Variants in VPS35L observed in about 807,000 individuals in gnomAD.
VPS35L encodes the protein VPS35 endosomal protein sorting factor like, also known as VPS35 endosomal protein-sorting factor-like.
A neutral mutation model predicts 133.0 loss-of-function variants in VPS35L; 83 were observed. The observed-to-expected ratio is 0.62, with a 90% CI of 0.52 to 0.75. VPS35L has a LOEUF of 0.75. VPS35L is among the 30% of genes least tolerant of loss of function. The pLI is 0.00. For synonymous variants in VPS35L, 423 were observed against 449.9 expected, an observed-to-expected ratio of 0.94 and a Z score of 0.76; for missense variants, 1,083 against 1,206.8, an observed-to-expected ratio of 0.90 and a Z score of 1.52.
intron 26 of VPS35L, among the ~76,000 whole-genome samples, chr16:19,664,474 G>A (rs1974595562): frequency 6.6e-6 from 1 of 151,782 alleles, no homozygotes; most frequent in African/African-American, 2.4e-5. Context: ...TACAGTGACT[G>A]TAGTGTTGGG....
intron 13 of VPS35L, 22 bp downstream of exon 13, chr16:19,616,213 AGCTC>A: frequency 1.3e-6 from 2 of 1,577,336 alleles, no homozygotes; most frequent in Non-Finnish European, 1.7e-6. Context: ...CTATCAGAAT[AGCTC>A]ATCGATATAA....
chr16:19,608,804 G>A (rs1221939960), intron 10 of VPS35L, 170 bp from the exon 11 acceptor site: 2 of 559,140 alleles, frequency 3.6e-6, no homozygotes, highest in East Asian at 5.6e-5. Flanking sequence ...ATGAAACTTT[G>A]AAAACCATAT....
Position 19,581,502 on chromosome 16 carries a change from C to A in VPS35L, c.511-23C>A, listed in dbSNP as rs1351011894. The A allele has an allele frequency of 1.9e-6, 3 of 1,545,326 alleles. No individual in the cohort carries two copies. The South Asian group carries it at 3.7e-5, about 19-fold the overall frequency. On this transcript the variant is annotated intron_variant, in intron 6 of 30. Transcript: ENST00000417362. ...AGCAATGTTTTTCCTGCTATGCCTTCACCTTCTGCCTTCTCCCCACAGGGT... is the reference window on the plus strand; with the variant it reads ...AGCAATGTTTTTCCTGCTATGCCTTAACCTTCTGCCTTCTCCCCACAGGGT...
rs941663813 is a variant in VPS35L, at chr16:19,608,982, A to C, written c.890A>C (p.Glu297Ala). 2 of 1,613,870 alleles carry C rather than the reference A, an allele frequency of 1.2e-6. No homozygotes were observed. Among genetic ancestry groups the C allele is most frequent in the Admixed American group, 3.3e-5 (2 of 60,020 alleles). Residue 297 changes from glutamate (E) to alanine (A), a missense_variant, in exon 11 of 31, where the codon GAG becomes GCG. Physicochemically the swap from Glu to Ala is moderately radical, Grantham distance 107 (BLOSUM62 -1). Transcript: ENST00000417362. Reference protein sequence around the residue: ...IRELIPRFYVEASILKCNKFL... With the variant: ...IRELIPRFYVAASILKCNKFL... ...ACAGGATGTTTTTGTAGTTACGTGG[A>C]GGCATCCATCCTGAAATGTAACAAA...
chr16:19,556,567 C>A (rs1175315282), intron 1 of VPS35L, among the ~76,000 whole-genome samples: 2 of 152,122 alleles, frequency 1.3e-5, no homozygotes, highest in African/African-American at 4.8e-5. Context: ...GATTTGGGGA[C>A]GGGGAATCTC....
At position 19,699,656 on chromosome 16, in the gene VPS35L, G is replaced by A. The variant is rs371212019; in HGVS notation, c.2793+8G>A. 127 of 1,612,594 alleles carry A rather than the reference G, an allele frequency of 7.9e-5. No individual in the cohort carries two copies. In the African/African-American group the frequency reaches 9.1e-4, roughly 12 times the overall value. On this transcript the variant is annotated splice_region_variant and intron_variant, in intron 30 of 30. Coordinates refer to ENST00000417362, the MANE Select transcript of VPS35L (RefSeq NM_020314.7). This position sits in a 1 kb window ranked among gnomAD's most constrained non-coding sequence, Gnocchi z 4.2. Reference sequence around the variant, plus strand: ...GCAGACACCAGGACCATGGTGAGGCGCTCGGAGGGCCCCGTGGTATAAGCC... The same window carrying A: ...GCAGACACCAGGACCATGGTGAGGCACTCGGAGGGCCCCGTGGTATAAGCC...
At chr16:19,620,846 G>A (rs112890503) in intron 14 of VPS35L, among the ~76,000 whole-genome samples, 2,511 of 152,246 alleles carry the variant, frequency 0.016, 68 homozygotes, top group African/African-American at 0.056. Context: ...AGCTACTCGG[G>A]AGGCTGAGGC....
rs566789355 is a variant in VPS35L, at chr16:19,678,624, C to T, written c.2362-3601C>T. Among the ~76,000 whole-genome samples, 212 of 151,924 alleles carry T rather than the reference C, an allele frequency of 1.4e-3. 5 individuals carry two copies. The South Asian group carries it at 0.042, about 30-fold the overall frequency. On this transcript the variant is annotated intron_variant, in intron 27 of 30. Coordinates refer to ENST00000417362, the MANE Select transcript of VPS35L (RefSeq NM_020314.7). ...TCCCAAGTATCTGGGACTACAGGCA[C>T]GTGCCACCATGCCCAGCTAATTTTT... is the stretch of plus-strand genomic sequence containing the variant.
chr16:19,629,913 C>A, intron 18 of VPS35L, 93 bp downstream of exon 18: 1 of 1,152,588 alleles, frequency 8.7e-7, no homozygotes, highest in Non-Finnish European at 1.3e-6. Flanking sequence ...AGGCATTTGA[C>A]AACGGTACTT....
intron 5 of VPS35L, 72 bp downstream of exon 5, chr16:19,575,194 AAAG>A: frequency 7.0e-7 from 1 of 1,432,750 alleles, no homozygotes; most frequent in Non-Finnish European, 9.7e-7. Flanking sequence ...ACAAAGGAAA[AAAG>A]TTTTATGTGA....
intron 7 of VPS35L, among the ~76,000 whole-genome samples, chr16:19,591,277 C>G (rs150188552): frequency 8.0e-4 from 122 of 152,246 alleles, no homozygotes; most frequent in African/African-American, 2.8e-3. Flanking sequence ...AGCAATTGAA[C>G]AAAGATGGGG....
Position 19,575,100 on chromosome 16 carries a change from T to A in VPS35L, c.411T>A (p.Asn137Lys). 2 of 1,605,250 alleles carry A rather than the reference T, an allele frequency of 1.2e-6. No individual in the cohort carries two copies. Among genetic ancestry groups the A allele is most frequent in the Non-Finnish European group, 1.7e-6 (2 of 1,174,678 alleles). ...RYTTTEKLSI[N>K]LFMGSEKGKA... Reference sequence around the variant, plus strand: ...TAATGAATTTTATGTCTCTGCAGAATCTGTTTATGGGATCTGAAAAAGGTA... The same window carrying A: ...TAATGAATTTTATGTCTCTGCAGAAACTGTTTATGGGATCTGAAAAAGGTA... The change falls in exon 5 of 31, where the codon AAT becomes AAA. Residue 137 changes from asparagine (N) to lysine (K), a missense_variant and splice_region_variant. Physicochemically the swap from Asn to Lys is moderately conservative, Grantham distance 94 (BLOSUM62 0). Transcript: ENST00000417362.
Position 19,633,231 on chromosome 16 carries a change from A to G in VPS35L, c.1635+59A>G. 10 of 1,483,026 alleles carry G rather than the reference A, an allele frequency of 6.7e-6. No individual in the cohort carries two copies. The highest frequency in any genetic ancestry group is 2.3e-5 in the South Asian group (2 of 88,412). The allele number at this position is 1,483,026 out of a possible 1,614,324, so 91.9% of individuals were successfully genotyped here. A position where few individuals can be genotyped will look rare whatever the true frequency, so the allele number is the denominator to read the frequency against. On this transcript the variant is annotated intron_variant, in intron 19 of 30. Transcript: ENST00000417362. The surrounding 1 kb of genome is among the most constrained non-coding windows in gnomAD (Gnocchi z 4.1). Reference sequence around the variant, plus strand: ...TAGGAATTTTGTTCTGTTGAATTAAATAGGCGTGTTGTATGGGTCAGGCTA... The same window carrying G: ...TAGGAATTTTGTTCTGTTGAATTAAGTAGGCGTGTTGTATGGGTCAGGCTA...
intron 7 of VPS35L, among the ~76,000 whole-genome samples, chr16:19,586,435 G>A (rs192787159): frequency 3.2e-4 from 49 of 152,230 alleles, no homozygotes; most frequent in Middle Eastern, 6.8e-3. Flanking sequence ...CGCTTCCTGG[G>A]TTCCACCGAT....
chr16:19,602,100 T>G (rs764179185), intron 9 of VPS35L, among the ~76,000 whole-genome samples: 2 of 152,202 alleles, frequency 1.3e-5, no homozygotes, highest in African/African-American at 2.4e-5. Flanking sequence ...TAAAGAATGA[T>G]GTCAAATAGA....
At chr16:19,560,118 A>G (rs1320261585) in intron 1 of VPS35L, among the ~76,000 whole-genome samples, 1 of 152,246 alleles carries the variant, frequency 6.6e-6, no homozygotes, top group Non-Finnish European at 1.5e-5. Flanking sequence ...CATGACTTAT[A>G]GATAATCTAT....
chr16:19,580,993 C>T (rs544471063), intron 6 of VPS35L, among the ~76,000 whole-genome samples: 112 of 152,016 alleles, frequency 7.4e-4, no homozygotes, highest in Non-Finnish European at 1.4e-3. Flanking sequence ...TATATGTGTC[C>T]CCATAGAATT....
At position 19,610,333 on chromosome 16, in the gene VPS35L, A is replaced by C. The variant is rs368538814; in HGVS notation, c.941A>C (p.Glu314Ala). 58 of 1,613,848 alleles carry C rather than the reference A, an allele frequency of 3.6e-5. No individual in the cohort carries two copies. The highest frequency in any genetic ancestry group is 4.6e-5 in the Non-Finnish European group (54 of 1,179,952). ...NKFLSKTGIS[E>A]CLPRLTCMIR... is the part of the protein sequence containing the mutation. ...TTTGTCTCTTGCAGGGGAATTTCAG[A>C]GTGCCTGCCCCGGTTGACATGCATG... is the stretch of plus-strand genomic sequence containing the variant. Residue 314 changes from glutamate to alanine, a missense_variant, in exon 12 of 31, where the codon GAG (glutamate) becomes GCG (alanine). By Grantham distance (107) the Glu-to-Ala change is moderately radical. Coordinates refer to ENST00000417362, the MANE Select transcript of VPS35L (RefSeq NM_020314.7).
At chr16:19,570,887 A>T (rs868836557) in intron 3 of VPS35L, among the ~76,000 whole-genome samples, 1,161 of 81,948 alleles carry the variant, frequency 0.014, 65 homozygotes, top group African/African-American at 0.062. Context: ...ATATATATAT[A>T]TATTTTTGAG....
Sources: gnomAD v4.1 joint callset for allele counts (sites outside exome capture counted in the v4.1 genomes callset) on GRCh38, gnomAD v4.1.1 for gene constraint, Gnocchi (gnomAD v3.1) non-coding constraint, MANE v1.5 for transcripts, NCBI Gene and HGNC (gene_info 2026-07-23, HGNC 2026-07-21) for gene names.